STAT5B: variants seen among roughly 807,000 people sequenced by gnomAD.
STAT5B encodes the protein transcription factor STAT5B.
STAT5B carries 21 observed loss-of-function variants against 107.8 expected under a neutral mutation model. The observed-to-expected ratio is 0.19, with a 90% CI of 0.14 to 0.28. The LOEUF (loss-of-function observed/expected upper bound fraction) is 0.28, where lower values mean the gene tolerates loss of function less well. Ranked by LOEUF, STAT5B falls within the 10% of genes least tolerant of loss-of-function variation. The pLI, the probability that STAT5B is intolerant of heterozygous loss-of-function variation, is 1.00. For missense variants in STAT5B, 565 were observed against 1,008.2 expected (o/e 0.56, Z 5.95); for synonymous variants, 325 against 401.7 (o/e 0.81, Z 2.28).
chr17:42,271,516 C>CA (rs1255029776), intron 1 of STAT5B: 7 of 152,184 alleles, frequency 4.6e-5, no homozygotes, highest in Admixed American at 2.0e-4. Flanking sequence ...TCAGCACAAG[C>CA]ACCTCAGAAA....
At chr17:42,278,087 T>C (rs890699099), upstream of STAT5B, among the ~76,000 whole-genome samples, 6 of 152,220 alleles carry the variant, frequency 3.9e-5, no homozygotes, top group African/African-American at 1.4e-4. Flanking sequence ...CTTTCATCCC[T>C]GCACACATGC....
chr17:42,246,941 T>C (rs1026688026), intron 1 of STAT5B, among the ~76,000 whole-genome samples: 1 of 152,214 alleles, frequency 6.6e-6, no homozygotes, highest in Admixed American at 6.5e-5. Context: ...TGTTGGTTCC[T>C]AACTTCGCTC....
At chr17:42,280,433 G>A (rs1252483254), upstream of STAT5B, among the ~76,000 whole-genome samples, 2 of 152,112 alleles carry the variant, frequency 1.3e-5, no homozygotes, top group Non-Finnish European at 2.9e-5. Flanking sequence ...GCCATTTTCT[G>A]GGAACGTCAC....
upstream of STAT5B, among the ~76,000 whole-genome samples, chr17:42,277,225 T>A (rs568525644): frequency 1.2e-4 from 19 of 152,166 alleles, no homozygotes; most frequent in Admixed American, 9.8e-4. Context: ...GCTACGTCTA[T>A]CTCCCGGAGC....
At chr17:42,231,423 C>A (rs1044278455) in intron 2 of STAT5B, among the ~76,000 whole-genome samples, 3 of 152,132 alleles carry the variant, frequency 2.0e-5, no homozygotes, top group Non-Finnish European at 2.9e-5. Flanking sequence ...GTTACAGCAA[C>A]CTTTGCCTCC....
At chr17:42,260,887 T>C (rs1017632930) in intron 1 of STAT5B, among the ~76,000 whole-genome samples, 7 of 151,956 alleles carry the variant, frequency 4.6e-5, no homozygotes, top group Non-Finnish European at 7.4e-5. Context: ...TACACAATTA[T>C]TGCTTAGTTT....
intron 13 of STAT5B, 90 bp downstream of exon 13, chr17:42,211,894 T>TG: frequency 1.3e-6 from 2 of 1,536,200 alleles, no homozygotes; most frequent in Non-Finnish European, 1.8e-6. Flanking sequence ...ATTAGAGACA[T>TG]GAAGAATAAG....
chr17:42,242,568 T>C, intron 1 of STAT5B, among the ~76,000 whole-genome samples: 1 of 151,216 alleles, frequency 6.6e-6, no homozygotes, highest in East Asian at 2.0e-4. Flanking sequence ...ATCAGACAAA[T>C]CCAAATTGTG....
Position 42,217,396 on chromosome 17 carries a change from C to T in STAT5B, c.1238G>A (p.Ser413Asn). The T allele has an allele frequency of 6.2e-7, 1 of 1,614,206 alleles. No individual in the cohort carries two copies. The highest frequency in any genetic ancestry group is 8.5e-7 in the Non-Finnish European group (1 of 1,180,034). Residue 413 changes from serine (S) to asparagine (N), a missense_variant, in exon 10 of 19, where the codon AGT (serine) becomes AAT (asparagine). Physicochemically the swap from Ser to Asn is conservative, Grantham distance 46. Coordinates refer to ENST00000293328, the MANE Select transcript of STAT5B (RefSeq NM_012448.4). ...MEYHQATGTL[S>N]AHFRNMSLKR... ...CCTCACCATATTCCTGAAGTGGGCACTAAGGGTGCCTGTGGCTTGGTGGTA... is the reference window on the plus strand; with the variant it reads ...CCTCACCATATTCCTGAAGTGGGCATTAAGGGTGCCTGTGGCTTGGTGGTA...
At chr17:42,262,372 C>A (rs2080606147) in intron 1 of STAT5B, among the ~76,000 whole-genome samples, 1 of 152,136 alleles carries the variant, frequency 6.6e-6, no homozygotes, top group African/African-American at 2.4e-5. Flanking sequence ...GTTGTCCATG[C>A]AGGAAAATTC....
In STAT5B at chr17:42,201,553, CAA is replaced by C. The variant is rs1271722610; in HGVS notation, c.*183_*184del. ...ACACACACACACACACACACACACA[CAA>C]ACACATACTCGCACTCCCTTCGCTG... On this transcript the variant is annotated 3_prime_UTR_variant, in exon 19 of 19. Coordinates refer to ENST00000293328, the MANE Select transcript of STAT5B (RefSeq NM_012448.4). 210 of 667,330 alleles carry C rather than the reference CAA, an allele frequency of 3.1e-4. No homozygotes were observed. In the Middle Eastern group the frequency reaches 3.7e-3, roughly 12 times the overall value. 41.3% of individuals were successfully genotyped at this position (667,330 alleles called of 1,614,324 possible).
At position 42,218,304 on chromosome 17, in the gene STAT5B, G is replaced by A; in HGVS notation, c.1016C>T (p.Pro339Leu). 6.2e-7 allele frequency: 1 copy of A among 1,614,018 alleles called. No homozygotes were observed. The highest frequency in any genetic ancestry group is 8.5e-7 in the Non-Finnish European group (1 of 1,179,976). ...TSTFIIEKQP[P>L]QVLKTQTKFA... is the part of the protein sequence containing the mutation. ...CTTGGTCTGGGTCTTCAGGACCTGA[G>A]GAGGCTGCTTCTCAATGATGAACGT... Residue 339 changes from proline to leucine, a missense_variant, in exon 9 of 19, where the codon CCT (proline) becomes CTT (leucine). By Grantham distance (98) the Pro-to-Leu change is moderately conservative. Coordinates refer to ENST00000293328, the MANE Select transcript of STAT5B (RefSeq NM_012448.4).
intron 1 of STAT5B, among the ~76,000 whole-genome samples, chr17:42,264,381 C>T (rs1227746907): frequency 1.5e-5 from 2 of 133,216 alleles, no homozygotes; most frequent in African/African-American, 5.5e-5. Context: ...CAACAGTCCC[C>T]AGAGTGTGAT....
chr17:42,241,306 C>T (rs1003506957), intron 1 of STAT5B, among the ~76,000 whole-genome samples: 58 of 148,550 alleles, frequency 3.9e-4, no homozygotes, highest in Admixed American at 6.1e-4. Flanking sequence ...CACCATTGCA[C>T]TCCAGCATTG....
At chr17:42,234,328 T>G (rs548539651) in intron 1 of STAT5B, 2 of 152,296 alleles carry the variant, frequency 1.3e-5, no homozygotes, top group South Asian at 2.1e-4. Flanking sequence ...TATTTAGGGC[T>G]TTTAGGCATT....
intron 12 of STAT5B, among the ~76,000 whole-genome samples, chr17:42,212,750 C>T (rs192178392): frequency 6.6e-6 from 1 of 152,338 alleles, no homozygotes; most frequent in East Asian, 1.9e-4. Flanking sequence ...TGCTTTTCAA[C>T]CCGTTCAGCC....
At position 42,201,524 on chromosome 17, in the gene STAT5B, G is replaced by GCACA. The variant is rs57573850; in HGVS notation, c.*210_*213dup. ...GAGAAACACCATAACGTGCAAACAC[G>GCACA]CACACACACACACACACACACACAC... On this transcript the variant is annotated 3_prime_UTR_variant, in exon 19 of 19. Transcript: ENST00000293328. The GCACA allele has an allele frequency of 4.4e-3, 2,737 of 617,200 alleles. No homozygotes were observed. The highest frequency in any genetic ancestry group is 9.7e-3 in the Middle Eastern group (23 of 2,378). The allele number at this position is 617,200 out of a possible 1,614,324, so 38.2% of individuals were successfully genotyped here. A position where few individuals can be genotyped will look rare whatever the true frequency, so the allele number is the denominator to read the frequency against.
intron 12 of STAT5B, 89 bp downstream of exon 12, chr17:42,215,925 T>G (rs2080167947): frequency 6.9e-7 from 1 of 1,454,282 alleles, no homozygotes; most frequent in African/African-American, 1.4e-5. Context: ...CCCGGCCTTT[T>G]CCTATGCTTT....
intron 1 of STAT5B, among the ~76,000 whole-genome samples, chr17:42,265,684 T>C (rs936136335): frequency 2.0e-5 from 3 of 152,138 alleles, no homozygotes; most frequent in East Asian, 3.8e-4. Flanking sequence ...TCAATACATG[T>C]ATCAAACTGC....
Sources: gnomAD v4.1 joint callset for allele counts (sites outside exome capture counted in the v4.1 genomes callset) on GRCh38, gnomAD v4.1.1 for gene constraint, MANE v1.5 for transcripts, NCBI Gene and HGNC (gene_info 2026-07-23, HGNC 2026-07-21) for gene names.